The following SGIP1 variants were observed in gnomAD, a reference collection of about 807,000 sequenced individuals.
SGIP1 encodes SH3-containing GRB2-like protein 3-interacting protein 1.
SGIP1 carries 38 observed loss-of-function variants against 107.5 expected under a neutral mutation model. That is an observed-to-expected ratio of 0.35 (90% confidence interval 0.27 to 0.46). The LOEUF (loss-of-function observed/expected upper bound fraction) is 0.46, where lower values mean the gene tolerates loss of function less well. Among genes scored for constraint, SGIP1 ranks in the 20% least tolerant of loss-of-function variants. The pLI is 1.00. For synonymous variants in SGIP1, 365 were observed against 366.1 expected, an observed-to-expected ratio of 1.00 and a Z score of 0.03; for missense variants, 929 against 1,019.5, an observed-to-expected ratio of 0.91 and a Z score of 1.21.
intron 1 of SGIP1, among the ~76,000 whole-genome samples, chr1:66,565,881 T>C (rs1156618): frequency 0.49 from 74,837 of 151,842 alleles, 19,104 homozygotes; most frequent in South Asian, 0.77. Context: ...TTAATGCTAC[T>C]ATGTTATATT....
intron 7 of SGIP1, among the ~76,000 whole-genome samples, chr1:66,654,231 C>A (rs567597903): frequency 1.3e-5 from 2 of 152,306 alleles, no homozygotes; most frequent in East Asian, 3.9e-4. Flanking sequence ...ATCTTTTCCT[C>A]TTCAACTTAA....
chr1:66,693,921 G>A (rs1018499303), intron 17 of SGIP1, among the ~76,000 whole-genome samples: 2 of 152,234 alleles, frequency 1.3e-5, no homozygotes. Flanking sequence ...AAATGGGATA[G>A]TTCATACAGG....
chr1:66,609,486 T>A (rs933159183), intron 1 of SGIP1, among the ~76,000 whole-genome samples: 2 of 152,074 alleles, frequency 1.3e-5, no homozygotes, highest in African/African-American at 4.8e-5. Flanking sequence ...CAGAGTGGAG[T>A]GCTTAGAGTT....
At chr1:66,581,118 T>C (rs917952883) in intron 1 of SGIP1, among the ~76,000 whole-genome samples, 1 of 152,112 alleles carries the variant, frequency 6.6e-6, no homozygotes, top group Non-Finnish European at 1.5e-5. Context: ...TCTCACTCTA[T>C]TGAAACACTC....
chr1:66,619,408 C>T (rs1242265886), intron 1 of SGIP1, among the ~76,000 whole-genome samples: 2 of 152,246 alleles, frequency 1.3e-5, no homozygotes, highest in South Asian at 2.1e-4. Context: ...CGCCCTCTCC[C>T]GCAGGCTCCG....
chr1:66,667,156 G>A (rs2082741642), intron 8 of SGIP1, among the ~76,000 whole-genome samples: 1 of 151,984 alleles, frequency 6.6e-6, no homozygotes, highest in African/African-American at 2.4e-5. Context: ...TAGGGAAACA[G>A]TTTACTTCTC....
At chr1:66,624,094 A>G (rs544742905) in intron 1 of SGIP1, among the ~76,000 whole-genome samples, 5 of 152,312 alleles carry the variant, frequency 3.3e-5, no homozygotes, top group African/African-American at 1.2e-4. Flanking sequence ...GAAGTAAAGC[A>G]CTTGAAACCC....
chr1:66,589,208 A>ATGTGTGTGTGTGTGTG (rs1453675527), intron 1 of SGIP1, among the ~76,000 whole-genome samples: 1,201 of 87,532 alleles, frequency 0.014, 77 homozygotes, highest in Non-Finnish European at 0.019. Flanking sequence ...ATATATATAT[A>ATGTGTGTGTGTGTGTG]TATATATATG....
intron 18 of SGIP1, among the ~76,000 whole-genome samples, chr1:66,718,769 G>A (rs1177742716): frequency 6.6e-6 from 1 of 152,038 alleles, no homozygotes; most frequent in Non-Finnish European, 1.5e-5. Flanking sequence ...TATGTTTTTG[G>A]ACATGTAAAC....
At chr1:66,541,837 T>A (rs2055020931) in intron 1 of SGIP1, among the ~76,000 whole-genome samples, 1 of 152,220 alleles carries the variant, frequency 6.6e-6, no homozygotes, top group Non-Finnish European at 1.5e-5. Context: ...CAGATACACC[T>A]GGAGTGTTTC....
intron 11 of SGIP1, 51 bp downstream of exon 11, chr1:66,672,046 TA>T (rs1190553848): frequency 1.3e-6 from 2 of 1,565,044 alleles, no homozygotes; most frequent in Non-Finnish European, 8.8e-7. Context: ...CATGAACTTT[TA>T]ACAATTAAGC....
intron 1 of SGIP1, among the ~76,000 whole-genome samples, chr1:66,543,871 G>A (rs2055643699): frequency 6.6e-6 from 1 of 152,196 alleles, no homozygotes; most frequent in African/African-American, 2.4e-5. Flanking sequence ...ACATCTGAGA[G>A]AGTGTGGTGC....
At chr1:66,671,608 C>T (rs2083827345) in intron 10 of SGIP1, among the ~76,000 whole-genome samples, 1 of 152,160 alleles carries the variant, frequency 6.6e-6, no homozygotes, top group Admixed American at 6.6e-5. Context: ...GCTTAGTATT[C>T]TCTTAATTGG....
rs2094610083 is a variant in SGIP1 at position 66,750,556 on chromosome 1, C to T, written c.*7461C>T. On this transcript the variant is annotated 3_prime_UTR_variant, in exon 25 of 25. Coordinates refer to ENST00000371037, the MANE Select transcript of SGIP1 (RefSeq NM_032291.4). ...ATCTTGTACTAAGTACATAATTTCA[C>T]AAAAATACCTTGGGCATAAAATACT... is the stretch of plus-strand genomic sequence containing the variant. Among the ~76,000 whole-genome samples, 1 of 152,144 alleles carries T rather than the reference C, an allele frequency of 6.6e-6. No individual in the cohort carries two copies. The highest frequency in any genetic ancestry group is 1.5e-5 in the Non-Finnish European group (1 of 68,020).
intron 1 of SGIP1, among the ~76,000 whole-genome samples, chr1:66,597,924 T>G (rs1278668796): frequency 6.6e-6 from 1 of 152,108 alleles, no homozygotes; most frequent in Non-Finnish European, 1.5e-5. Context: ...AATACAACAT[T>G]ACTGAAAAAG....
intron 20 of SGIP1, among the ~76,000 whole-genome samples, chr1:66,731,817 G>GC (rs112865514): frequency 0.017 from 2,627 of 152,230 alleles, 85 homozygotes; most frequent in African/African-American, 0.06. Flanking sequence ...TGTCACCATG[G>GC]CCCCTGGAGA....
intron 15 of SGIP1, among the ~76,000 whole-genome samples, chr1:66,686,449 G>A (rs2088300174): frequency 6.6e-6 from 1 of 152,132 alleles, no homozygotes; most frequent in African/African-American, 2.4e-5. Context: ...TCATTTTCCA[G>A]CATTGTTCTG....
intron 18 of SGIP1, among the ~76,000 whole-genome samples, chr1:66,698,826 G>C (rs1189260634): frequency 2.0e-5 from 3 of 151,744 alleles, no homozygotes; most frequent in African/African-American, 7.3e-5. Flanking sequence ...TAGAGTATTT[G>C]AACATCAAGA....
intron 1 of SGIP1, among the ~76,000 whole-genome samples, chr1:66,565,173 A>G (rs2059473363): frequency 6.6e-6 from 1 of 152,016 alleles, no homozygotes; most frequent in South Asian, 2.1e-4. Context: ...CTGCTAATGC[A>G]TTGTCATCTG....
Sources: allele counts gnomAD v4.1 joint callset (sites outside exome capture counted in the v4.1 genomes callset), GRCh38; gene constraint gnomAD v4.1.1; transcripts MANE v1.5; gene names NCBI Gene and HGNC (gene_info 2026-07-23, HGNC 2026-07-21).